Variants in BPIFB1 observed in about 807,000 individuals in gnomAD.
BPIFB1 encodes BPI fold-containing family B member 1.
BPIFB1 carries 34 observed loss-of-function variants against 55.1 expected under a neutral mutation model. The observed-to-expected ratio is 0.62, with a 90% CI of 0.47 to 0.82. The LOEUF (loss-of-function observed/expected upper bound fraction) is 0.82. Ranked by LOEUF, BPIFB1 falls within the 40% of genes least tolerant of loss-of-function variation. BPIFB1 has a pLI of 0.00. For missense variants in BPIFB1, 532 were observed against 593.1 expected (o/e 0.90, Z 1.07); for synonymous variants, 236 against 245.3 (o/e 0.96, Z 0.35).
At chr20:33,307,205 C>A in intron 15 of BPIFB1, 2 of 531,088 alleles carry the variant, frequency 3.8e-6, no homozygotes, top group African/African-American at 1.9e-5. Flanking sequence ...TTTTTCCACC[C>A]CCTTGTCATT....
intron 6 of BPIFB1, among the ~76,000 whole-genome samples, chr20:33,295,942 AAAAG>A (rs573478922): frequency 8.7e-4 from 122 of 139,766 alleles, no homozygotes; most frequent in African/African-American, 2.8e-3. Context: ...GAAGGACGGA[AAAAG>A]AGAGAGAGGG....
chr20:33,292,906 T>C (rs971571584), intron 6 of BPIFB1, among the ~76,000 whole-genome samples: 9 of 152,246 alleles, frequency 5.9e-5, no homozygotes, highest in African/African-American at 2.2e-4. Flanking sequence ...AATAAGACTT[T>C]TTTCTTTGAT....
intron 6 of BPIFB1, among the ~76,000 whole-genome samples, 192 bp from the exon 7 acceptor site, chr20:33,297,333 C>T (rs75456555): frequency 0.02 from 2,981 of 152,368 alleles, 57 homozygotes; most frequent in Middle Eastern, 0.054. Context: ...GGACAAACCA[C>T]TGCAAAAGGT....
At chr20:33,289,427 T>G (rs1980381319) in intron 3 of BPIFB1, among the ~76,000 whole-genome samples, 1 of 150,052 alleles carries the variant, frequency 6.7e-6, no homozygotes, top group Non-Finnish European at 1.5e-5. Context: ...AGCAAGGTTG[T>G]CTGGGGTGGC....
chr20:33,294,577 T>C (rs933530485), intron 6 of BPIFB1, among the ~76,000 whole-genome samples: 5 of 152,218 alleles, frequency 3.3e-5, no homozygotes, highest in Non-Finnish European at 7.3e-5. Context: ...TTTATCTGTT[T>C]CAAGGTGGGA....
intron 1 of BPIFB1, among the ~76,000 whole-genome samples, chr20:33,284,647 G>A (rs535372065): frequency 3.9e-5 from 6 of 152,278 alleles, no homozygotes; most frequent in East Asian, 3.9e-4. Context: ...TGAACCAAGC[G>A]AGGGGCTCAG....
chr20:33,306,829 C>A, intron 14 of BPIFB1, 82 bp from the exon 15 acceptor site: 1 of 1,191,980 alleles, frequency 8.4e-7, no homozygotes, highest in South Asian at 1.2e-5. Context: ...GCCGGGGCTC[C>A]CCTTCAGGAA....
At chr20:33,298,509 C>G (rs1260939658) in intron 7 of BPIFB1, among the ~76,000 whole-genome samples, 1 of 152,194 alleles carries the variant, frequency 6.6e-6, no homozygotes, top group Non-Finnish European at 1.5e-5. Flanking sequence ...ATGCACTGAG[C>G]GCCACAGGGC....
chr20:33,305,917 G>T, intron 13 of BPIFB1, 85 bp from the exon 14 acceptor site: 1 of 1,454,330 alleles, frequency 6.9e-7, no homozygotes. Flanking sequence ...CCTCACCCAT[G>T]GGGAGGAGCC....
chr20:33,285,576 G>A (rs1317787376), intron 1 of BPIFB1, among the ~76,000 whole-genome samples: 4 of 151,642 alleles, frequency 2.6e-5, no homozygotes, highest in African/African-American at 9.7e-5. Context: ...AAATTAGCCT[G>A]GCGCGGTGGT....
chr20:33,299,047 G>A (rs945155892), intron 7 of BPIFB1: 2 of 345,090 alleles, frequency 5.8e-6, no homozygotes, highest in Admixed American at 5.6e-5. Context: ...CATGCTCATC[G>A]TCTCTATGTC....
chr20:33,309,709 A>T lies in BPIFB1; in HGVS notation c.1397A>T (p.Asp466Val), dbSNP rs139612081. The T allele has an allele frequency of 3.4e-5, 55 of 1,613,934 alleles. No individual in the cohort carries two copies. The African/African-American group carries it at 6.8e-4, about 20-fold the overall frequency. ...FEAAESSLTK[D>V]ALVLTPASLW... ...CTGACTTTTCCCCTCCAATTCCAGG[A>T]TGCCCTTGTGCTTACTCCAGCCTCC... Residue 466 changes from aspartate to valine, a missense_variant and splice_region_variant, in exon 16 of 16, where the codon GAT becomes GTT. By Grantham distance (152) the Asp-to-Val change is radical. Transcript: ENST00000253354. This position sits in a 1 kb window ranked among gnomAD's most constrained non-coding sequence, Gnocchi z 4.4.
At chr20:33,283,826 G>A (rs1980179291) in intron 1 of BPIFB1, among the ~76,000 whole-genome samples, 1 of 152,108 alleles carries the variant, frequency 6.6e-6, no homozygotes, top group Non-Finnish European at 1.5e-5. Context: ...TGGATCTGGG[G>A]GAGGAGAGTC....
chr20:33,284,380 G>A (rs1333611443), intron 1 of BPIFB1, among the ~76,000 whole-genome samples: 1 of 152,108 alleles, frequency 6.6e-6, no homozygotes. Context: ...TTCTTTCGGG[G>A]CTTCCAGAGG....
chr20:33,301,519 A>G (rs1426247786), intron 9 of BPIFB1, 107 bp downstream of exon 9: 4 of 1,051,994 alleles, frequency 3.8e-6, no homozygotes, highest in African/African-American at 3.2e-5. Context: ...GCTCAGTTTA[A>G]TGGAGATCTC....
chr20:33,294,396 A>T (rs1236894776), intron 6 of BPIFB1, among the ~76,000 whole-genome samples: 3 of 152,200 alleles, frequency 2.0e-5, no homozygotes, highest in African/African-American at 7.2e-5. Context: ...GAATTGTGTG[A>T]TCTCAAAGTT....
At chr20:33,307,107 T>C in intron 15 of BPIFB1, 120 bp downstream of exon 15, 1 of 862,322 alleles carries the variant, frequency 1.2e-6, no homozygotes, top group East Asian at 2.6e-5. Context: ...GCAAGTCCCT[T>C]CCCCTCTCAG....
intron 8 of BPIFB1, among the ~76,000 whole-genome samples, chr20:33,300,461 C>G (rs1009069333): frequency 1.3e-5 from 2 of 152,258 alleles, no homozygotes; most frequent in African/African-American, 4.8e-5. Flanking sequence ...CCACACCATG[C>G]CTGGCAGACC....
chr20:33,308,483 TAC>T (rs1314868976), intron 15 of BPIFB1, among the ~76,000 whole-genome samples: 1 of 149,690 alleles, frequency 6.7e-6, no homozygotes, highest in Non-Finnish European at 1.5e-5. Flanking sequence ...TATACACCTA[TAC>T]ACATACATAC....
Sources: gnomAD v4.1 joint callset for allele counts (sites outside exome capture counted in the v4.1 genomes callset) on GRCh38, gnomAD v4.1.1 for gene constraint, Gnocchi (gnomAD v3.1) non-coding constraint, MANE v1.5 for transcripts, NCBI Gene and HGNC (gene_info 2026-07-23, HGNC 2026-07-21) for gene names.